MSRA: variants seen among roughly 807,000 people sequenced by gnomAD.
MSRA encodes methionine sulfoxide reductase A.
MSRA carries 54 observed loss-of-function variants against 31.3 expected under a neutral mutation model. The ratio of observed to expected loss-of-function variants is 1.73; its 90% CI spans 1.39 to 2.17. MSRA has a LOEUF of 2.17. Among genes scored for constraint, MSRA ranks in the 30% most tolerant of loss-of-function variants. MSRA has a pLI of 0.00. For synonymous variants in MSRA, 169 were observed against 116.5 expected, an observed-to-expected ratio of 1.45 and a Z score of -2.90; for missense variants, 507 against 300.9, an observed-to-expected ratio of 1.69 and a Z score of -5.07.
intron 1 of MSRA, among the ~76,000 whole-genome samples, chr8:10,103,956 C>A (rs73528936): frequency 6.6e-6 from 1 of 152,138 alleles, no homozygotes; most frequent in South Asian, 2.1e-4. Context: ...ATACATGTAG[C>A]CATAAACAAT....
At chr8:10,143,393 A>G (rs1157634766) in intron 1 of MSRA, among the ~76,000 whole-genome samples, 1 of 152,150 alleles carries the variant, frequency 6.6e-6, no homozygotes, top group African/African-American at 2.4e-5. Context: ...TTTGCCTGGT[A>G]TGGCATCCCA....
intron 5 of MSRA, among the ~76,000 whole-genome samples, chr8:10,400,266 G>C (rs544183190): frequency 9.2e-5 from 14 of 152,038 alleles, no homozygotes; most frequent in Admixed American, 3.3e-4. Context: ...ATGAGGGCCT[G>C]GGTTACAGTG....
At chr8:10,261,104 T>C (rs1212891110) in intron 3 of MSRA, among the ~76,000 whole-genome samples, 1 of 152,160 alleles carries the variant, frequency 6.6e-6, no homozygotes, top group African/African-American at 2.4e-5. Context: ...TTGCTAGATA[T>C]ATTTAGGTTG....
At chr8:10,282,904 T>C (rs1345960393) in intron 3 of MSRA, among the ~76,000 whole-genome samples, 1 of 152,182 alleles carries the variant, frequency 6.6e-6, no homozygotes, top group Non-Finnish European at 1.5e-5. Context: ...GATTTGCATG[T>C]AATTAGCCTC....
chr8:10,064,778 A>G (rs1298727809), intron 1 of MSRA, among the ~76,000 whole-genome samples: 1 of 152,176 alleles, frequency 6.6e-6, no homozygotes, highest in East Asian at 1.9e-4. Context: ...GTGTAAAATT[A>G]AAAAGCATGG....
chr8:10,087,478 C>T (rs577469467), intron 1 of MSRA, among the ~76,000 whole-genome samples: 70 of 152,296 alleles, frequency 4.6e-4, no homozygotes, highest in African/African-American at 1.7e-3. Context: ...ATGTGTCTAA[C>T]ACTGAAGGAA....
intron 1 of MSRA, among the ~76,000 whole-genome samples, chr8:10,067,873 AGTTTTTTTTTTTT>A (rs1232532867): frequency 6.6e-5 from 4 of 60,228 alleles, no homozygotes; most frequent in African/African-American, 2.2e-4. Context: ...TTTCTTACTG[AGTTTTTTTTTTTT>A]TTTTTTTTTT....
chr8:10,403,323 A>G (rs1357169060), intron 5 of MSRA, among the ~76,000 whole-genome samples: 1 of 152,164 alleles, frequency 6.6e-6, no homozygotes, highest in African/African-American at 2.4e-5. Context: ...CCAGCCAACG[A>G]GAAAAAGCCC....
intron 1 of MSRA, among the ~76,000 whole-genome samples, chr8:10,080,673 G>A (rs1204288854): frequency 6.7e-6 from 1 of 148,838 alleles, no homozygotes; most frequent in South Asian, 2.1e-4. Context: ...CTGCAGGCAT[G>A]CGTTACCATG....
intron 5 of MSRA, among the ~76,000 whole-genome samples, chr8:10,354,699 A>C (rs1161544263): frequency 6.7e-6 from 1 of 148,186 alleles, no homozygotes; most frequent in African/African-American, 2.5e-5. Flanking sequence ...CTGCATATTC[A>C]TTTCATGAAT....
chr8:10,428,104 C>G lies in MSRA; in HGVS notation c.544-44C>G, dbSNP rs377571684. On this transcript the variant is annotated intron_variant, in intron 5 of 5. Coordinates refer to ENST00000317173, the MANE Select transcript of MSRA (RefSeq NM_012331.5). Reference sequence around the variant, plus strand: ...CAGTGCCACCCCTCGCAGGTGCTGTCTCTCTAGCATGGGAGCTGATGGCGC... The same window carrying G: ...CAGTGCCACCCCTCGCAGGTGCTGTGTCTCTAGCATGGGAGCTGATGGCGC... 15 of 1,583,762 alleles carry G rather than the reference C, an allele frequency of 9.5e-6. No individual in the cohort carries two copies. In the African/African-American group the frequency reaches 1.5e-4, roughly 16 times the overall value.
At chr8:10,202,536 C>T (rs1367760994) in intron 1 of MSRA, among the ~76,000 whole-genome samples, 1 of 152,206 alleles carries the variant, frequency 6.6e-6, no homozygotes, top group Non-Finnish European at 1.5e-5. Context: ...CACATGATGC[C>T]TCTAAGCGAT....
At chr8:10,370,568 C>A (rs923065144) in intron 5 of MSRA, among the ~76,000 whole-genome samples, 2 of 152,212 alleles carry the variant, frequency 1.3e-5, no homozygotes, top group Admixed American at 1.3e-4. Context: ...AGCCATATCC[C>A]TTGAACTGTG....
At chr8:10,259,555 T>C (rs1307440815) in intron 3 of MSRA, among the ~76,000 whole-genome samples, 1 of 152,102 alleles carries the variant, frequency 6.6e-6, no homozygotes, top group African/African-American at 2.4e-5. Flanking sequence ...TAAGTCACTG[T>C]CCCTCCCTTT....
intron 5 of MSRA, among the ~76,000 whole-genome samples, chr8:10,418,458 C>G (rs1467525331): frequency 1.3e-5 from 2 of 152,078 alleles, no homozygotes; most frequent in African/African-American, 4.8e-5. Context: ...TGGGCAGTTG[C>G]AGTGGTGACT....
chr8:10,179,423 A>G lies in MSRA; in HGVS notation c.143-28410A>G, dbSNP rs574932819. ...ATCTCCATGGTTACTTTCAGCTCTGAGAGTCGATCATTTATAATTATAATG... is the reference window on the plus strand; with the variant it reads ...ATCTCCATGGTTACTTTCAGCTCTGGGAGTCGATCATTTATAATTATAATG... On this transcript the variant is annotated intron_variant, in intron 1 of 5. Coordinates refer to ENST00000317173, the MANE Select transcript of MSRA (RefSeq NM_012331.5). Among the ~76,000 whole-genome samples, 16 of 152,312 alleles carry G rather than the reference A, an allele frequency of 1.1e-4. No individual in the cohort carries two copies. In the East Asian group the frequency reaches 2.9e-3, roughly 28 times the overall value.
intron 1 of MSRA, among the ~76,000 whole-genome samples, chr8:10,172,663 G>T: frequency 6.6e-6 from 1 of 152,190 alleles, no homozygotes; most frequent in South Asian, 2.1e-4. Flanking sequence ...ATTGGAAGTT[G>T]GAGTGAACTT....
chr8:10,226,942 G>A (rs1004750655), intron 2 of MSRA, among the ~76,000 whole-genome samples: 16 of 152,136 alleles, frequency 1.1e-4, no homozygotes, highest in Non-Finnish European at 2.2e-4. Flanking sequence ...GCAACCACTT[G>A]CCTTCCAGCA....
chr8:10,421,608 C>T (rs1329348875), intron 5 of MSRA, among the ~76,000 whole-genome samples: 2 of 152,150 alleles, frequency 1.3e-5, no homozygotes, highest in South Asian at 2.1e-4. Flanking sequence ...AGAATGATCA[C>T]ATGTTCATTA....
Sources: gnomAD v4.1 joint callset for allele counts (sites outside exome capture counted in the v4.1 genomes callset) on GRCh38, gnomAD v4.1.1 for gene constraint, MANE v1.5 for transcripts, NCBI Gene and HGNC (gene_info 2026-07-23, HGNC 2026-07-21) for gene names.